Variants in ARHGEF10L observed in about 807,000 individuals in gnomAD.
ARHGEF10L encodes the protein rho guanine nucleotide exchange factor 10-like protein.
A neutral mutation model predicts 141.2 loss-of-function variants in ARHGEF10L; 69 were observed. That is an observed-to-expected ratio of 0.49 (90% confidence interval 0.40 to 0.60). ARHGEF10L has a LOEUF of 0.60. Among genes scored for constraint, ARHGEF10L ranks in the 20% least tolerant of loss-of-function variants. The pLI is 0.00. For synonymous variants in ARHGEF10L, 711 were observed against 718.5 expected (o/e 0.99, Z 0.17); for missense variants, 1,482 against 1,734.3 (o/e 0.85, Z 2.58).
chr1:17,604,757 C>G (rs1158962772), intron 6 of ARHGEF10L: 1 of 152,274 alleles, frequency 6.6e-6, no homozygotes, highest in Non-Finnish European at 1.5e-5. Context: ...TGGATTCCCA[C>G]TGTATTAGGA....
chr1:17,526,619 G>C, the ARHGEF10L span, among the ~76,000 whole-genome samples: 1 of 152,100 alleles, frequency 6.6e-6, no homozygotes, highest in Non-Finnish European at 1.5e-5. Flanking sequence ...AAGAGACAAG[G>C]CTGGCCGGGC....
At chr1:17,588,880 G>GTGTGTGTGTGTGTGTC (rs1553181488) in intron 4 of ARHGEF10L, among the ~76,000 whole-genome samples, 12 of 74,530 alleles carry the variant, frequency 1.6e-4, no homozygotes, top group African/African-American at 7.5e-4. Context: ...GTGTGTGTGT[G>GTGTGTGTGTGTGTGTC]TGTGTGTGTG....
At chr1:17,524,364 T>TAC in the ARHGEF10L span, among the ~76,000 whole-genome samples, 10,679 of 115,838 alleles carry the variant, frequency 0.092, 629 homozygotes, top group East Asian at 0.13. Flanking sequence ...ACCCCGTCTC[T>TAC]ACACACACAC....
chr1:17,680,985 C>T (rs2064090189), intron 26 of ARHGEF10L, among the ~76,000 whole-genome samples: 1 of 152,054 alleles, frequency 6.6e-6, no homozygotes, highest in South Asian at 2.1e-4. Flanking sequence ...GTTGGCCAGG[C>T]TGGTCTTGAA....
intron 27 of ARHGEF10L, among the ~76,000 whole-genome samples, chr1:17,691,548 T>C (rs988371575): frequency 6.6e-6 from 1 of 152,106 alleles, no homozygotes; most frequent in African/African-American, 2.4e-5. Flanking sequence ...TCTCTTGGCT[T>C]AATTGTTCTT....
intron 4 of ARHGEF10L, among the ~76,000 whole-genome samples, chr1:17,596,135 T>C (rs1238321522): frequency 5.9e-5 from 9 of 152,076 alleles, no homozygotes; most frequent in African/African-American, 2.2e-4. Flanking sequence ...ACAGTCAGAG[T>C]CTCTGGGGCG....
the ARHGEF10L span, among the ~76,000 whole-genome samples, chr1:17,533,017 C>A: frequency 6.6e-6 from 1 of 152,188 alleles, no homozygotes; most frequent in Non-Finnish European, 1.5e-5. Context: ...CTTCATCCTG[C>A]ACCAAGACAG....
intron 23 of ARHGEF10L, among the ~76,000 whole-genome samples, chr1:17,655,369 C>G (rs557706791): frequency 3.3e-5 from 5 of 151,970 alleles, no homozygotes; most frequent in Admixed American, 1.3e-4. Context: ...TTTATCTGTC[C>G]ATCCATCCAC....
At position 17,640,259 on chromosome 1, in the gene ARHGEF10L, G is replaced by T. The variant is rs746875386; in HGVS notation, c.2229G>T (p.Lys743Asn). ...VVFITPNPLSKISWVNRLHLA... is the reference protein window; with the variant it reads ...VVFITPNPLSNISWVNRLHLA... ...TCATCACCCCCAACCCCCTGAGCAA[G>T]ATTTCCTGGGTCAACAGGTTACATT... The change falls in exon 21 of 29, where the codon AAG becomes AAT. Residue 743 changes from lysine to asparagine, a missense_variant. Transcript: ENST00000361221. 1 of 1,613,424 alleles carries T rather than the reference G, an allele frequency of 6.2e-7. No individual in the cohort carries two copies. The highest frequency in any genetic ancestry group is 8.5e-7 in the Non-Finnish European group (1 of 1,179,798).
Position 17,696,964 on chromosome 1 carries a change from C to G in ARHGEF10L, c.3424C>G (p.Arg1142Gly). ...RSDQEEAEGP[R>G]AEEDKPDGQA... ...TGACCAGGAGGAGGCTGAGGGGCCC[C>G]GGGCTGAGGAGGACAAGCCAGACGG... The change falls in exon 29 of 29, where the codon CGG (arginine) becomes GGG (glycine). Residue 1142 changes from arginine to glycine, a missense_variant. Around this residue, in one of 3 missense-constraint regions of ARHGEF10L, gnomAD observed 858 missense variants for 966.3 expected, o/e 0.89. Transcript: ENST00000361221. The G allele has an allele frequency of 6.2e-7, 1 of 1,612,386 alleles. No homozygotes were observed.
intron 26 of ARHGEF10L, among the ~76,000 whole-genome samples, chr1:17,668,363 C>T (rs2063110936): frequency 6.6e-6 from 1 of 152,188 alleles, no homozygotes; most frequent in Non-Finnish European, 1.5e-5. Context: ...GACGGATGGC[C>T]AAGGGAAGGA....
Position 17,628,047 on chromosome 1 carries a change from A to G in ARHGEF10L, c.1584+544A>G, listed in dbSNP as rs529256412. Among the ~76,000 whole-genome samples, 297 of 151,616 alleles carry G rather than the reference A, an allele frequency of 2.0e-3. 2 individuals carry two copies. The highest frequency in any genetic ancestry group is 7.0e-3 in the African/African-American group (290 of 41,200). On this transcript the variant is annotated intron_variant, in intron 15 of 28. Transcript: ENST00000361221. ...GGAACATGCTATTAAAAAAAAAAAA[A>G]GAAAATTGGGCTGGGCGTGGTAGCT... is the stretch of plus-strand genomic sequence containing the variant.
intron 25 of ARHGEF10L, among the ~76,000 whole-genome samples, chr1:17,663,394 A>T (rs1010702371): frequency 3.9e-5 from 6 of 152,138 alleles, no homozygotes; most frequent in Non-Finnish European, 2.9e-5. Context: ...TCTACTAAAA[A>T]TACAAAAAAT....
chr1:17,580,770 C>CA, intron 2 of ARHGEF10L, 138 bp downstream of exon 2: 15 of 989,910 alleles, frequency 1.5e-5, no homozygotes, highest in Non-Finnish European at 2.2e-5. Context: ...CTGCCTGGGC[C>CA]GCATCCTCTA....
the ARHGEF10L span, among the ~76,000 whole-genome samples, chr1:17,525,693 T>C: frequency 6.6e-6 from 1 of 151,872 alleles, no homozygotes; most frequent in East Asian, 1.9e-4. Flanking sequence ...AAAATCATTC[T>C]TTTAATAATT....
At chr1:17,689,462 C>T (rs113427447) in intron 27 of ARHGEF10L, among the ~76,000 whole-genome samples, 157 of 60,498 alleles carry the variant, frequency 2.6e-3, no homozygotes, top group East Asian at 4.3e-3. Flanking sequence ...CCCCTCTCTC[C>T]CTCCCTCCCT....
chr1:17,534,403 G>A, the ARHGEF10L span, among the ~76,000 whole-genome samples: 2 of 151,948 alleles, frequency 1.3e-5, no homozygotes, highest in East Asian at 3.9e-4. Flanking sequence ...GATTACAGGT[G>A]TGAACCACCG....
intron 2 of ARHGEF10L, among the ~76,000 whole-genome samples, chr1:17,585,845 A>G (rs1308091919): frequency 1.3e-5 from 2 of 152,052 alleles, no homozygotes; most frequent in Non-Finnish European, 2.9e-5. Flanking sequence ...TTTATTGAGC[A>G]TTTGCCAGGG....
chr1:17,672,709 A>G (rs2063400358), intron 26 of ARHGEF10L, among the ~76,000 whole-genome samples: 1 of 152,206 alleles, frequency 6.6e-6, no homozygotes, highest in Non-Finnish European at 1.5e-5. Context: ...GAACAAGTTC[A>G]CAAGGAAGAT....
Sources: gnomAD v4.1 joint callset for allele counts (sites outside exome capture counted in the v4.1 genomes callset) on GRCh38, gnomAD v4.1.1 for gene constraint, gnomAD v4.1.1 regional missense constraint, MANE v1.5 for transcripts, NCBI Gene and HGNC (gene_info 2026-07-23, HGNC 2026-07-21) for gene names.